CDC14A: variants seen among roughly 807,000 people sequenced by gnomAD.
The protein encoded by CDC14A is dual specificity protein phosphatase CDC14A.
Under a neutral mutation model 74.4 loss-of-function variants are expected in CDC14A, and 53 were observed. The ratio of observed to expected loss-of-function variants is 0.71; its 90% CI spans 0.57 to 0.89. The LOEUF (loss-of-function observed/expected upper bound fraction) is 0.89, where lower values mean the gene tolerates loss of function less well. CDC14A is among the 40% of genes least tolerant of loss of function. CDC14A has a pLI of 0.00. For synonymous variants in CDC14A, 247 were observed against 258.4 expected (o/e 0.96, Z 0.43); for missense variants, 646 against 713.7 (o/e 0.91, Z 1.08).
intron 3 of CDC14A, among the ~76,000 whole-genome samples, chr1:100,381,487 C>T (rs1656090648): frequency 6.6e-6 from 1 of 152,030 alleles, no homozygotes; most frequent in African/African-American, 2.4e-5. Context: ...ATTTTTATTC[C>T]TTCCAAGAAA....
intron 15 of CDC14A, among the ~76,000 whole-genome samples, chr1:100,516,417 G>A (rs1331261761): frequency 6.6e-6 from 1 of 152,132 alleles, no homozygotes; most frequent in Non-Finnish European, 1.5e-5. Flanking sequence ...AATTGATGGA[G>A]CTTGCAAAAA....
intron 4 of CDC14A, among the ~76,000 whole-genome samples, chr1:100,391,266 A>G (rs567329419): frequency 1.3e-5 from 2 of 152,328 alleles, no homozygotes; most frequent in East Asian, 3.9e-4. Context: ...TTATCAATCC[A>G]TTCATTAATT....
intron 15 of CDC14A, chr1:100,504,808 C>A: frequency 6.5e-7 from 1 of 1,534,000 alleles, no homozygotes; most frequent in Non-Finnish European, 8.7e-7. Flanking sequence ...TTTTCTTCTC[C>A]CACAGTGTTC....
intron 2 of CDC14A, among the ~76,000 whole-genome samples, chr1:100,376,593 A>T (rs1655294559): frequency 1.3e-5 from 2 of 152,164 alleles, no homozygotes; most frequent in South Asian, 2.1e-4. Flanking sequence ...GGTAGCCGAG[A>T]TGGAGAAGAC....
chr1:100,412,484 T>G (rs895260792), intron 4 of CDC14A, among the ~76,000 whole-genome samples: 1 of 149,402 alleles, frequency 6.7e-6, no homozygotes, highest in Non-Finnish European at 1.5e-5. Context: ...TCTGTTTTTC[T>G]CCTTTTCCTT....
intron 15 of CDC14A, among the ~76,000 whole-genome samples, chr1:100,517,161 A>G (rs1289051702): frequency 6.6e-6 from 1 of 152,216 alleles, no homozygotes; most frequent in Non-Finnish European, 1.5e-5. Context: ...TTGGCTGTTC[A>G]TGGGGTGTAA....
At chr1:100,369,560 T>C (rs1654142469) in intron 2 of CDC14A, among the ~76,000 whole-genome samples, 2 of 152,230 alleles carry the variant, frequency 1.3e-5, no homozygotes, top group Non-Finnish European at 2.9e-5. Flanking sequence ...TGTCTTTTGC[T>C]CATTTTTTAA....
chr1:100,392,936 C>G (rs1657916030), intron 4 of CDC14A: 1 of 776,104 alleles, frequency 1.3e-6, no homozygotes, highest in Non-Finnish European at 2.1e-6. Flanking sequence ...ATTTAAACAT[C>G]AATGGTTTTG....
chr1:100,346,289 A>G (rs1650420691), intron 1 of CDC14A, among the ~76,000 whole-genome samples: 2 of 152,184 alleles, frequency 1.3e-5, no homozygotes, highest in Non-Finnish European at 2.9e-5. Context: ...TGTGGGGAAT[A>G]TTATCTATTT....
intron 2 of CDC14A, among the ~76,000 whole-genome samples, chr1:100,360,688 C>T (rs1307317693): frequency 2.0e-5 from 3 of 152,144 alleles, no homozygotes; most frequent in Admixed American, 2.0e-4. Context: ...AATTTACCTT[C>T]TAGATAATGA....
intron 7 of CDC14A, 121 bp downstream of exon 7, chr1:100,443,117 T>C (rs1665152891): frequency 7.3e-6 from 5 of 682,974 alleles, no homozygotes; most frequent in South Asian, 1.8e-5. Flanking sequence ...GAGTTTTCCA[T>C]AGTGGTCAGT....
chr1:100,512,747 C>T (rs1211303735), intron 15 of CDC14A, among the ~76,000 whole-genome samples: 1 of 152,164 alleles, frequency 6.6e-6, no homozygotes, highest in Non-Finnish European at 1.5e-5. Flanking sequence ...CTTTTTAAGT[C>T]TTGAAGTCCC....
At chr1:100,353,361 C>T (rs997989189) in intron 1 of CDC14A, among the ~76,000 whole-genome samples, 2 of 152,182 alleles carry the variant, frequency 1.3e-5, no homozygotes, top group African/African-American at 2.4e-5. Flanking sequence ...CCCAACCACA[C>T]CCCCCAAGTC....
At position 100,495,982 on chromosome 1, in the gene CDC14A, T is replaced by C; in HGVS notation, c.1251-20T>C. The C allele has an allele frequency of 6.2e-7, 1 of 1,611,984 alleles. No homozygotes were observed. Among genetic ancestry groups the C allele is most frequent in the Non-Finnish European group, 8.5e-7 (1 of 1,178,068 alleles). On this transcript the variant is annotated intron_variant, in intron 12 of 15. Transcript: ENST00000336454. ...CGTGTGCCCTGGTGATATGTGAGCATCTGTCTTTGATTTCCGCAGGTCAGA... is the reference window on the plus strand; with the variant it reads ...CGTGTGCCCTGGTGATATGTGAGCACCTGTCTTTGATTTCCGCAGGTCAGA...
intron 4 of CDC14A, among the ~76,000 whole-genome samples, chr1:100,407,758 C>T (rs1660144048): frequency 1.3e-5 from 2 of 152,050 alleles, no homozygotes; most frequent in African/African-American, 2.4e-5. Context: ...AGTGGTGTCT[C>T]ACTCGTATTT....
chr1:100,452,139 G>GTTTTCAA (rs1666206547), intron 7 of CDC14A, among the ~76,000 whole-genome samples: 1 of 152,120 alleles, frequency 6.6e-6, no homozygotes, highest in Non-Finnish European at 1.5e-5. Context: ...GTAGTAAAAA[G>GTTTTCAA]GTCAAATAGT....
chr1:100,487,545 G>A (rs1422681825), intron 11 of CDC14A, among the ~76,000 whole-genome samples: 2 of 149,958 alleles, frequency 1.3e-5, no homozygotes, highest in African/African-American at 4.9e-5. Flanking sequence ...GGGCAACAGA[G>A]TGAGACTCGG....
intron 2 of CDC14A, among the ~76,000 whole-genome samples, chr1:100,370,131 G>A (rs1363700935): frequency 1.1e-4 from 17 of 152,014 alleles, no homozygotes; most frequent in Non-Finnish European, 2.9e-5. Context: ...CTACAGGCAT[G>A]CACTACCACA....
At position 100,492,289 on chromosome 1, in the gene CDC14A, G is replaced by A. The variant is rs182754903; in HGVS notation, c.1138-2529G>A. 5.3e-5 allele frequency among the ~76,000 whole-genome samples: 8 copies of A among 152,194 alleles called. No homozygotes were observed. The East Asian group carries it at 7.7e-4, about 15-fold the overall frequency. ...CACAGCTTAAAAAATATCAACAAGC[G>A]TTGAATTCTAGCAACAAAAAATATC... On this transcript the variant is annotated intron_variant, in intron 11 of 15. Coordinates refer to ENST00000336454, the MANE Select transcript of CDC14A (RefSeq NM_003672.4).
Sources: allele counts gnomAD v4.1 joint callset (sites outside exome capture counted in the v4.1 genomes callset), GRCh38; gene constraint gnomAD v4.1.1; transcripts MANE v1.5; gene names NCBI Gene and HGNC (gene_info 2026-07-23, HGNC 2026-07-21).